TNR: variants seen among roughly 807,000 people sequenced by gnomAD.
TNR encodes the protein tenascin-R.
TNR carries 45 observed loss-of-function variants against 150.4 expected under a neutral mutation model. That is an observed-to-expected ratio of 0.30 (90% CI 0.24 to 0.38). The LOEUF (loss-of-function observed/expected upper bound fraction) is 0.38. TNR is among the 10% of genes least tolerant of loss of function. TNR has a pLI of 1.00. For missense variants in TNR, 1,544 were observed against 1,759.1 expected (o/e 0.88, Z 2.19); for synonymous variants, 687 against 678.4 (o/e 1.01, Z -0.20).
intron 1 of TNR, among the ~76,000 whole-genome samples, chr1:175,546,191 T>C (rs184867899): frequency 3.9e-5 from 6 of 152,324 alleles, no homozygotes; most frequent in Non-Finnish European, 7.4e-5. Context: ...ATTTTTGTGG[T>C]GCACTTGTGC....
At chr1:175,533,697 G>A (rs1251568329) in intron 1 of TNR, among the ~76,000 whole-genome samples, 1 of 152,192 alleles carries the variant, frequency 6.6e-6, no homozygotes, top group Non-Finnish European at 1.5e-5. Flanking sequence ...TATGATCAGG[G>A]AGTTCAAGTT....
chr1:175,447,071 G>A (rs1656089518), intron 2 of TNR, among the ~76,000 whole-genome samples: 1 of 152,172 alleles, frequency 6.6e-6, no homozygotes, highest in Non-Finnish European at 1.5e-5. Context: ...ATGTGTGTAC[G>A]CATATTCGTG....
intron 18 of TNR, among the ~76,000 whole-genome samples, chr1:175,342,597 G>T (rs1322430325): frequency 6.6e-6 from 1 of 152,334 alleles, no homozygotes; most frequent in South Asian, 2.1e-4. Flanking sequence ...TTAGATGGGG[G>T]TGAGCCTGGA....
At chr1:175,542,852 T>G (rs1660556812) in intron 1 of TNR, among the ~76,000 whole-genome samples, 2 of 152,194 alleles carry the variant, frequency 1.3e-5, no homozygotes, top group Admixed American at 1.3e-4. Context: ...TTTGCCCACA[T>G]GTAGGGTCCC....
chr1:175,543,253 T>G (rs1660570298), intron 1 of TNR, among the ~76,000 whole-genome samples: 2 of 151,838 alleles, frequency 1.3e-5, no homozygotes, highest in Admixed American at 1.3e-4. Context: ...AGCTGGCCTG[T>G]GGGGGGTCAT....
At chr1:175,690,252 G>A (rs921095402) in intron 1 of TNR, among the ~76,000 whole-genome samples, 2 of 152,208 alleles carry the variant, frequency 1.3e-5, no homozygotes, top group Admixed American at 6.5e-5. Flanking sequence ...AGGCTCTGAA[G>A]TACTGAAGTG....
intron 5 of TNR, 32 bp from the exon 6 acceptor site, chr1:175,393,927 T>C (rs759238750): frequency 1.3e-6 from 2 of 1,533,708 alleles, no homozygotes; most frequent in Non-Finnish European, 1.8e-6. Flanking sequence ...GACAATGTCA[T>C]GGCTAACCCT....
chr1:175,610,472 C>G (rs1663558103), intron 1 of TNR, among the ~76,000 whole-genome samples: 1 of 152,348 alleles, frequency 6.6e-6, no homozygotes, highest in South Asian at 2.1e-4. Context: ...AGTTAAGCTT[C>G]TCTTCTGCTC....
At chr1:175,734,479 G>A (rs780239443) in intron 1 of TNR, among the ~76,000 whole-genome samples, 2 of 152,148 alleles carry the variant, frequency 1.3e-5, no homozygotes, top group African/African-American at 2.4e-5. Context: ...GAGTTTCATC[G>A]ACTGTTTCTG....
At position 175,547,659 on chromosome 1, in the gene TNR, A is replaced by T. The variant is rs1450733481; in HGVS notation, c.-164-19290T>A. On this transcript the variant is annotated intron_variant, in intron 1 of 22. Coordinates refer to ENST00000367674, the MANE Select transcript of TNR (RefSeq NM_003285.3). ...AAAGAGAAAGAAAGAAAGGAAGAAG[A>T]AAGAAAGAAAGAAAGAGAGAGAGAA... 3.7e-3 allele frequency among the ~76,000 whole-genome samples: 529 copies of T among 143,492 alleles called. 5 individuals are homozygous for T. The highest frequency in any genetic ancestry group is 7.6e-3 in the South Asian group (36 of 4,730). The allele number at this position is 143,492 out of a possible 152,430, so 94.1% of individuals were successfully genotyped here.
intron 1 of TNR, among the ~76,000 whole-genome samples, chr1:175,580,912 A>C (rs1662326705): frequency 6.6e-6 from 1 of 151,826 alleles, no homozygotes; most frequent in South Asian, 2.1e-4. Flanking sequence ...GAAAGAACAG[A>C]GGGTTTCAAG....
chr1:175,636,543 G>C (rs1280951278), intron 1 of TNR, among the ~76,000 whole-genome samples: 1 of 152,084 alleles, frequency 6.6e-6, no homozygotes, highest in Admixed American at 6.6e-5. Flanking sequence ...AGATTCTCTT[G>C]TAGACTAAAG....
chr1:175,578,729 G>C (rs963173878), intron 1 of TNR, among the ~76,000 whole-genome samples: 4 of 152,216 alleles, frequency 2.6e-5, no homozygotes, highest in Non-Finnish European at 5.9e-5. Flanking sequence ...AAATCCTGTG[G>C]GGATTTTGTC....
chr1:175,650,855 A>C (rs72725486), intron 1 of TNR, among the ~76,000 whole-genome samples: 1,035 of 16,454 alleles, frequency 0.063, 1 homozygote, highest in Admixed American at 0.068. Flanking sequence ...ATTACTACCC[A>C]TCTCCCACCT....
chr1:175,324,311 T>C (rs771694629), intron 22 of TNR, 45 bp downstream of exon 22: 3 of 1,589,130 alleles, frequency 1.9e-6, no homozygotes, highest in Non-Finnish European at 2.6e-6. Flanking sequence ...GAGCACGGAT[T>C]CCACAGCTCT....
Position 175,324,402 on chromosome 1 carries a change from T to A in TNR, c.3911A>T (p.His1304Leu). 1 of 1,614,144 alleles carries A rather than the reference T, an allele frequency of 6.2e-7. No individual in the cohort carries two copies. The highest frequency in any genetic ancestry group is 8.5e-7 in the Non-Finnish European group (1 of 1,180,010). Residue 1304 changes from histidine to leucine, a missense_variant, in exon 22 of 23, where the codon CAC becomes CTC. By Grantham distance (99) the His-to-Leu change is moderately conservative. Coordinates refer to ENST00000367674, the MANE Select transcript of TNR (RefSeq NM_003285.3). ...YKGAWWYKNC[H>L]RTNLNGKYGE... ...GTACTTCCCATTGAGGTTGGTCCGG[T>A]GGCAGTTCTTATACCACCATGCTCC...
chr1:175,559,358 A>G (rs1472070643), intron 1 of TNR, among the ~76,000 whole-genome samples: 1 of 152,174 alleles, frequency 6.6e-6, no homozygotes, highest in Non-Finnish European at 1.5e-5. Context: ...CATTATTTGT[A>G]TTTCAAACAT....
At chr1:175,634,111 A>G (rs1664420518) in intron 1 of TNR, among the ~76,000 whole-genome samples, 1 of 152,142 alleles carries the variant, frequency 6.6e-6, no homozygotes, top group Non-Finnish European at 1.5e-5. Flanking sequence ...CCCCTGGGAC[A>G]CTCAGTGATT....
chr1:175,506,370 T>A (rs1266491650), intron 2 of TNR, among the ~76,000 whole-genome samples: 1 of 152,234 alleles, frequency 6.6e-6, no homozygotes, highest in Non-Finnish European at 1.5e-5. Flanking sequence ...AACACTTATG[T>A]TAGCTCAGAA....
Sources: gnomAD v4.1 joint callset for allele counts (sites outside exome capture counted in the v4.1 genomes callset) on GRCh38, gnomAD v4.1.1 for gene constraint, MANE v1.5 for transcripts, NCBI Gene and HGNC (gene_info 2026-07-23, HGNC 2026-07-21) for gene names.